The following URB1 variants were observed in gnomAD, a reference collection of about 807,000 sequenced individuals.
The protein encoded by URB1 is URB1 ribosome biogenesis factor, also known as nucleolar pre-ribosomal-associated protein 1.
A neutral mutation model predicts 242.3 loss-of-function variants in URB1; 197 were observed. The observed-to-expected ratio is 0.81, with a 90% CI of 0.72 to 0.91. The LOEUF (loss-of-function observed/expected upper bound fraction) is 0.91. Ranked by LOEUF, URB1 falls within the 40% of genes least tolerant of loss-of-function variation. The pLI is 0.00. For synonymous variants in URB1, 1,153 were observed against 1,201.8 expected, an observed-to-expected ratio of 0.96 and a Z score of 0.84; for missense variants, 2,721 against 2,860.5, an observed-to-expected ratio of 0.95 and a Z score of 1.11.
Position 32,317,020 on chromosome 21 carries a change from T to C in URB1, c.6080A>G (p.Lys2027Arg), listed in dbSNP as rs1025414827. The C allele has an allele frequency of 1.3e-6, 2 of 1,549,932 alleles. No homozygotes were observed. Among genetic ancestry groups the C allele is most frequent in the African/African-American group, 2.7e-5 (2 of 73,036 alleles). The change falls in exon 38 of 39, where the codon AAA becomes AGA. Residue 2027 changes from lysine (K) to arginine (R), a missense_variant. Physicochemically the swap from Lys to Arg is conservative, Grantham distance 26. Coordinates refer to ENST00000382751, the MANE Select transcript of URB1 (RefSeq NM_014825.3). Reference sequence around the variant, plus strand: ...CCTCCTCTTTCGGCCCCGTGGGCCTTTGGCTCGGGCTGGCATGACAGGCTT... The same window carrying C: ...CCTCCTCTTTCGGCCCCGTGGGCCTCTGGCTCGGGCTGGCATGACAGGCTT... ...KNKPVMPARA[K>R]GPRGRKRRPG...
At chr21:32,352,517 T>C (rs1377007580) in intron 19 of URB1, among the ~76,000 whole-genome samples, 193 bp downstream of exon 19, 2 of 152,230 alleles carry the variant, frequency 1.3e-5, no homozygotes, top group Non-Finnish European at 2.9e-5. Context: ...CACTGAGTCC[T>C]GTGTGTTCAG....
chr21:32,315,506 T>G (rs1036933412), intron 38 of URB1, among the ~76,000 whole-genome samples: 4 of 152,034 alleles, frequency 2.6e-5, no homozygotes, highest in African/African-American at 9.7e-5. Context: ...GGTTTCACTA[T>G]GTTGCCCAGG....
chr21:32,324,576 C>A lies in URB1; in HGVS notation c.5148G>T (p.Arg1716=). 1 of 1,551,720 alleles carries A rather than the reference C, an allele frequency of 6.4e-7. No individual in the cohort carries two copies. The highest frequency in any genetic ancestry group is 8.7e-7 in the Non-Finnish European group (1 of 1,146,962). ...SQLLYLLDVV[R]NGIRTQDMRL... is the part of the protein sequence containing the mutation. ...TCATGTCCTGAGTTCGAATCCCATT[C>A]CGGACTACATCCAACAGGTAAAGTA... The change falls in exon 32 of 39, where the codon CGG becomes CGT. Residue 1716 remains arginine (R), a synonymous_variant. Transcript: ENST00000382751.
In URB1 at chr21:32,320,598, T is replaced by C. The variant is rs1311282344; in HGVS notation, c.5527A>G (p.Arg1843Gly). The C allele has an allele frequency of 1.3e-6, 2 of 1,551,954 alleles. No individual in the cohort carries two copies. The highest frequency in any genetic ancestry group is 2.0e-5 in the Admixed American group (1 of 51,016). Reference protein sequence around the residue: ...EILQNAAQVARSAYEIIRDYS... With the variant: ...EILQNAAQVAGSAYEIIRDYS... ...TCTCGTATGATTTCATACGCAGATCTGGCAACCTGGGCAGCATTCTGTAGA... is the reference window on the plus strand; with the variant it reads ...TCTCGTATGATTTCATACGCAGATCCGGCAACCTGGGCAGCATTCTGTAGA... The change falls in exon 35 of 39, where the codon AGA becomes GGA. Residue 1843 changes from arginine to glycine, a missense_variant. By Grantham distance (125) the Arg-to-Gly change is moderately radical (BLOSUM62 -2). Coordinates refer to ENST00000382751, the MANE Select transcript of URB1 (RefSeq NM_014825.3).
intron 1 of URB1, among the ~76,000 whole-genome samples, chr21:32,389,369 C>A (rs921140613): frequency 2.6e-5 from 4 of 152,108 alleles, no homozygotes; most frequent in Non-Finnish European, 4.4e-5. Flanking sequence ...CAGTGGGATA[C>A]CACTGAAGGG....
chr21:32,333,964 A>G (rs1163184080), intron 29 of URB1, among the ~76,000 whole-genome samples, 199 bp downstream of exon 29: 1 of 152,262 alleles, frequency 6.6e-6, no homozygotes, highest in Admixed American at 6.5e-5. Context: ...TGGTATAAAC[A>G]GAACAAGCGT....
At chr21:32,315,565 A>G (rs1008935660) in intron 38 of URB1, among the ~76,000 whole-genome samples, 2 of 152,204 alleles carry the variant, frequency 1.3e-5, no homozygotes, top group African/African-American at 4.8e-5. Context: ...TGCTAGGATT[A>G]TAGGTGTGAG....
At position 32,368,387 on chromosome 21, in the gene URB1, TATC is replaced by T. The variant is rs1192487096; in HGVS notation, c.1197+13_1197+15del. The T allele has an allele frequency of 6.6e-7, 1 of 1,519,124 alleles. No homozygotes were observed. The highest frequency in any genetic ancestry group is 8.8e-7 in the Non-Finnish European group (1 of 1,131,882). 94.1% of individuals were successfully genotyped at this position (1,519,124 alleles called of 1,614,324 possible). On this transcript the variant is annotated intron_variant, in intron 9 of 38. Transcript: ENST00000382751. ...CCAGCTTAGCTAACAGACTTTTAAA[TATC>T]ATGTTTTTTTACCTTGTTTAGTAGT...
intron 30 of URB1, among the ~76,000 whole-genome samples, chr21:32,331,612 A>C (rs902549774): frequency 2.6e-5 from 4 of 152,242 alleles, no homozygotes; most frequent in Non-Finnish European, 5.9e-5. Flanking sequence ...GGAAACATCG[A>C]CAGGCTCTCA....
chr21:32,324,456 T>C, intron 32 of URB1, 35 bp downstream of exon 32: 1 of 1,516,152 alleles, frequency 6.6e-7, no homozygotes, highest in East Asian at 2.5e-5. Flanking sequence ...CTTCAGCTTT[T>C]CAATTTCCCC....
intron 4 of URB1, 117 bp downstream of exon 4, chr21:32,383,305 T>C (rs1023596510): frequency 4.6e-6 from 6 of 1,297,358 alleles, no homozygotes; most frequent in East Asian, 2.7e-5. Flanking sequence ...CCTTTCTACA[T>C]AGACACCTCT....
intron 8 of URB1, 49 bp from the exon 9 acceptor site, chr21:32,368,647 C>A (rs768555480): frequency 4.0e-6 from 6 of 1,482,130 alleles, no homozygotes; most frequent in Non-Finnish European, 5.4e-6. Context: ...ATGGTCAAAG[C>A]ACCCTGAGAG....
intron 1 of URB1, among the ~76,000 whole-genome samples, chr21:32,391,907 T>G (rs909190468): frequency 4.7e-5 from 7 of 150,202 alleles, no homozygotes; most frequent in African/African-American, 1.7e-4. Context: ...ACCTACAATC[T>G]CAGCTACTTG....
chr21:32,378,127 T>C (rs1428847081), intron 5 of URB1, among the ~76,000 whole-genome samples: 2 of 152,172 alleles, frequency 1.3e-5, no homozygotes, highest in Admixed American at 1.3e-4. Flanking sequence ...TGAGTCTGAG[T>C]AGGTTCCATA....
In URB1 at chr21:32,392,761, G is replaced by A. The variant is rs2033653875; in HGVS notation, c.142+8C>T. ...CTCCCGACCCTGCGCCTGCCGCCCC[G>A]GACTCACCTGGCCCGGGGCCCTGCG... On this transcript the variant is annotated splice_region_variant and intron_variant, in intron 1 of 38. Coordinates refer to ENST00000382751, the MANE Select transcript of URB1 (RefSeq NM_014825.3). 4 of 1,449,722 alleles carry A rather than the reference G, an allele frequency of 2.8e-6. No individual in the cohort carries two copies. Among genetic ancestry groups the A allele is most frequent in the South Asian group, 2.7e-5 (2 of 74,878 alleles). The allele number at this position is 1,449,722 out of a possible 1,614,324, so 89.8% of individuals were successfully genotyped here. A position where few individuals can be genotyped will look rare whatever the true frequency, so the allele number is the denominator to read the frequency against.
chr21:32,345,916 T>C (rs969859318), intron 22 of URB1, among the ~76,000 whole-genome samples: 2 of 152,180 alleles, frequency 1.3e-5, no homozygotes, highest in Non-Finnish European at 1.5e-5. Flanking sequence ...AGCCATGGAA[T>C]AGGGAGGGTA....
At chr21:32,373,400 T>C (rs919727912) in intron 7 of URB1, among the ~76,000 whole-genome samples, 2 of 151,634 alleles carry the variant, frequency 1.3e-5, no homozygotes, top group African/African-American at 4.9e-5. Context: ...AACTAAGATA[T>C]GGCTCAGCCC....
chr21:32,312,420 A>C lies in URB1; in HGVS notation c.*2498T>G. 1.2e-6 allele frequency: 1 copy of C among 829,144 alleles called. No homozygotes were observed. Among genetic ancestry groups the C allele is most frequent in the African/African-American group, 1.8e-5 (1 of 55,968 alleles). The allele number at this position is 829,144 out of a possible 1,614,324, so 51.4% of individuals were successfully genotyped here. On this transcript the variant is annotated 3_prime_UTR_variant, in exon 39 of 39. Transcript: ENST00000382751. ...GTAAGTTCCCATCCAAGCTCCACTA[A>C]CACCCGCCGGCTCCCCCAGATGTGA...
chr21:32,343,279 A>C (rs2033050618), intron 24 of URB1, among the ~76,000 whole-genome samples: 1 of 152,120 alleles, frequency 6.6e-6, no homozygotes, highest in South Asian at 2.1e-4. Flanking sequence ...GTAATTCCAA[A>C]TTTTATGAGT....
Sources: gnomAD v4.1 joint callset for allele counts (sites outside exome capture counted in the v4.1 genomes callset) on GRCh38, gnomAD v4.1.1 for gene constraint, MANE v1.5 for transcripts, NCBI Gene and HGNC (gene_info 2026-07-23, HGNC 2026-07-21) for gene names.